Variants in DGKB observed in about 807,000 individuals in gnomAD.
DGKB encodes the protein 90 kDa diacylglycerol kinase.
In DGKB, 67 loss-of-function variants were observed where a neutral mutation model predicts 114.3. That is an observed-to-expected ratio of 0.59 (90% CI 0.48 to 0.72). DGKB has a LOEUF of 0.72. Among genes scored for constraint, DGKB ranks in the 30% least tolerant of loss-of-function variants. The pLI, the probability that DGKB is intolerant of heterozygous loss-of-function variation, is 0.00. For synonymous variants in DGKB, 398 were observed against 323.1 expected (o/e 1.23, Z -2.49); for missense variants, 907 against 975.2 (o/e 0.93, Z 0.93).
chr7:14,594,746 T>C (rs978047888), intron 17 of DGKB, among the ~76,000 whole-genome samples: 11 of 152,038 alleles, frequency 7.2e-5, no homozygotes, highest in African/African-American at 2.4e-4. Flanking sequence ...TTCCATGGAG[T>C]TAGCTTAGAG....
Position 14,345,405 on chromosome 7 carries a change from G to C in DGKB, c.1836-14C>G, listed in dbSNP as rs1812316854. 1.4e-6 allele frequency: 2 copies of C among 1,405,058 alleles called. No homozygotes were observed. The allele number at this position is 1,405,058 out of a possible 1,614,324, so 87.0% of individuals were successfully genotyped here. Reference sequence around the variant, plus strand: ...TTGTTCTTCATTCTGAAAAAGAAAAGGAAGAAGCACCTTAGGCAATTATCA... The same window carrying C: ...TTGTTCTTCATTCTGAAAAAGAAAACGAAGAAGCACCTTAGGCAATTATCA... On this transcript the variant is annotated splice_polypyrimidine_tract_variant and intron_variant, in intron 21 of 25. Coordinates refer to ENST00000402815, the MANE Select transcript of DGKB (RefSeq NM_001350709.2).
intron 2 of DGKB, among the ~76,000 whole-genome samples, chr7:14,815,709 C>T (rs1342578394): frequency 6.6e-6 from 1 of 152,116 alleles, no homozygotes; most frequent in Non-Finnish European, 1.5e-5. Flanking sequence ...AACCACAGAA[C>T]CACCCACCAA....
chr7:14,513,586 T>A (rs1395561859), intron 20 of DGKB, among the ~76,000 whole-genome samples: 2 of 151,992 alleles, frequency 1.3e-5, no homozygotes, highest in South Asian at 2.1e-4. Flanking sequence ...TAAAACAAAA[T>A]TTTTTAATAC....
chr7:14,698,373 C>A (rs1425798980), intron 7 of DGKB, among the ~76,000 whole-genome samples: 2 of 151,980 alleles, frequency 1.3e-5, no homozygotes, highest in Non-Finnish European at 2.9e-5. Flanking sequence ...TTATCTTGTA[C>A]ATTGTCTAGA....
At chr7:14,940,666 C>T (rs559036807) in intron 1 of DGKB, among the ~76,000 whole-genome samples, 3 of 152,198 alleles carry the variant, frequency 2.0e-5, no homozygotes, top group African/African-American at 4.8e-5. Context: ...AGACTATATA[C>T]TCAGATAATA....
At chr7:14,829,330 A>C (rs912655549) in intron 2 of DGKB, among the ~76,000 whole-genome samples, 5 of 152,174 alleles carry the variant, frequency 3.3e-5, no homozygotes, top group Non-Finnish European at 5.9e-5. Context: ...TTGTATAATC[A>C]GATAAAAGTC....
chr7:14,217,799 A>T (rs1789247897), intron 23 of DGKB, among the ~76,000 whole-genome samples: 1 of 152,212 alleles, frequency 6.6e-6, no homozygotes, highest in East Asian at 1.9e-4. Context: ...GGTGCTTGAT[A>T]GAAAGTTAGG....
chr7:14,361,891 C>T (rs1337825100), intron 21 of DGKB, among the ~76,000 whole-genome samples: 1 of 151,890 alleles, frequency 6.6e-6, no homozygotes, highest in Admixed American at 6.6e-5. Context: ...CAACATGTAG[C>T]ATTCATTTAC....
intron 23 of DGKB, among the ~76,000 whole-genome samples, chr7:14,235,036 C>A (rs529915000): frequency 6.6e-6 from 1 of 152,108 alleles, no homozygotes; most frequent in African/African-American, 2.4e-5. Flanking sequence ...TTTGCAGGAA[C>A]CTTCTCTTCT....
At chr7:14,341,131 A>G (rs1811539454) in intron 22 of DGKB, among the ~76,000 whole-genome samples, 1 of 151,776 alleles carries the variant, frequency 6.6e-6, no homozygotes, top group Admixed American at 6.6e-5. Flanking sequence ...GCTCTCTGAG[A>G]AGTGAAAAAA....
intron 3 of DGKB, among the ~76,000 whole-genome samples, chr7:14,757,437 G>GT (rs1261064050): frequency 6.6e-6 from 1 of 151,672 alleles, no homozygotes; most frequent in Non-Finnish European, 1.5e-5. Flanking sequence ...ACTTCATTTT[G>GT]TTTATGTTAT....
intron 17 of DGKB, among the ~76,000 whole-genome samples, chr7:14,595,821 AG>A (rs1459100898): frequency 1.3e-5 from 2 of 152,036 alleles, no homozygotes; most frequent in Non-Finnish European, 2.9e-5. Context: ...TGATTTATTA[AG>A]ATATGTTTAA....
intron 21 of DGKB, among the ~76,000 whole-genome samples, chr7:14,428,912 T>C (rs542033726): frequency 8.1e-4 from 124 of 152,204 alleles, no homozygotes; most frequent in Non-Finnish European, 1.4e-3. Flanking sequence ...GGACTCTTTG[T>C]AATATAAAAA....
At chr7:14,719,703 A>G (rs2128353605) in intron 5 of DGKB, among the ~76,000 whole-genome samples, 1 of 152,260 alleles carries the variant, frequency 6.6e-6, no homozygotes, top group East Asian at 1.9e-4. Context: ...ACTTTCCATG[A>G]ATACCTATCA....
chr7:14,659,324 G>A (rs928164500), intron 13 of DGKB, among the ~76,000 whole-genome samples: 4 of 152,200 alleles, frequency 2.6e-5, no homozygotes, highest in African/African-American at 9.6e-5. Flanking sequence ...ACCCTGGGCA[G>A]TATGGCAATT....
intron 20 of DGKB, 114 bp downstream of exon 20, chr7:14,574,098 G>A: frequency 1.3e-6 from 1 of 783,516 alleles, no homozygotes; most frequent in South Asian, 2.7e-5. Flanking sequence ...ATGTTTTGAT[G>A]GCACAAAAGG....
intron 21 of DGKB, among the ~76,000 whole-genome samples, chr7:14,450,127 A>G (rs987830568): frequency 4.6e-5 from 7 of 152,094 alleles, no homozygotes. Flanking sequence ...TCAATATGCA[A>G]AATAGATGAA....
intron 22 of DGKB, among the ~76,000 whole-genome samples, chr7:14,343,353 A>G (rs1364742583): frequency 2.0e-5 from 3 of 151,870 alleles, no homozygotes; most frequent in African/African-American, 7.2e-5. Context: ...AACATAACTT[A>G]GTTCTAGTAG....
chr7:14,718,280 T>C (rs186346100), intron 6 of DGKB, among the ~76,000 whole-genome samples: 154 of 152,260 alleles, frequency 1.0e-3, no homozygotes, highest in African/African-American at 3.6e-3. Context: ...TCCAGAGAAC[T>C]GAGGAACAGC....
Sources: gnomAD v4.1 joint callset for allele counts (sites outside exome capture counted in the v4.1 genomes callset) on GRCh38, gnomAD v4.1.1 for gene constraint, MANE v1.5 for transcripts, NCBI Gene and HGNC (gene_info 2026-07-23, HGNC 2026-07-21) for gene names.